Variants in AP1M2 observed in about 807,000 individuals in gnomAD.
AP1M2 encodes the protein adaptor related protein complex 1 subunit mu 2, also known as AP-1 complex subunit mu-2.
In AP1M2, 41 loss-of-function variants were observed where a neutral mutation model predicts 54.6. The observed-to-expected ratio is 0.75, with a 90% confidence interval of 0.59 to 0.97. The LOEUF (loss-of-function observed/expected upper bound fraction) is 0.97. AP1M2 is among the 50% of genes least tolerant of loss of function. The probability of loss-of-function intolerance (pLI) is 0.00; values close to 1 mark genes in which losing one functional copy is unlikely to be tolerated. For synonymous variants in AP1M2, 219 were observed against 215.9 expected (o/e 1.01, Z -0.13); for missense variants, 507 against 561.2 (o/e 0.90, Z 0.98).
Position 10,581,529 on chromosome 19 carries a change from C to T in AP1M2, c.504G>A (p.Lys168=), listed in dbSNP as rs747452988. The change falls in exon 5 of 12, where the codon AAG becomes AAA. Residue 168 remains lysine (K), a synonymous_variant. Transcript: ENST00000250244. The stretch of plus-strand genomic sequence containing the variant: ...CTATGACATCAATGAAGACCTCGTT[C>T]TTCTTATACTTGATACCCTCGGAGC... ...SWRSEGIKYK[K]NEVFIDVIES... The T allele has an allele frequency of 1.2e-5, 19 of 1,613,778 alleles. No individual in the cohort carries two copies. In the East Asian group the frequency reaches 4.0e-4, roughly 34 times the overall value.
intron 8 of AP1M2, 65 bp from the exon 9 acceptor site, chr19:10,577,421 C>G (rs1254888462): frequency 1.7e-6 from 1 of 575,730 alleles, no homozygotes. Context: ...ATTTACCAAG[C>G]CCTTTTTTTT....
intron 6 of AP1M2, among the ~76,000 whole-genome samples, chr19:10,580,859 G>A (rs895608692): frequency 6.6e-6 from 1 of 151,976 alleles, no homozygotes; most frequent in Admixed American, 6.6e-5. Flanking sequence ...AGAGGCTGAG[G>A]TGGGAGGATC....
intron 6 of AP1M2, among the ~76,000 whole-genome samples, chr19:10,580,404 G>A (rs751751962): frequency 2.6e-5 from 4 of 151,702 alleles, no homozygotes; most frequent in African/African-American, 7.3e-5. Flanking sequence ...GCTCACGCCT[G>A]TAATCCCCGA....
rs2144762602 is a variant in AP1M2, at chr19:10,580,064, T to C, written c.674-206A>G. ...GCTTGGTTTTTTTTTTTTTTTTTTT[T>C]TTTTTGAGACAGAGTTTCACTCTTG... On this transcript the variant is annotated intron_variant, in intron 6 of 11. Coordinates refer to ENST00000250244, the MANE Select transcript of AP1M2 (RefSeq NM_005498.5). Among the ~76,000 whole-genome samples the C allele has an allele frequency of 1.3e-5, 2 of 148,594 alleles. 1 individual carries two copies. Among genetic ancestry groups the C allele is most frequent in the African/African-American group, 5.0e-5 (2 of 40,290 alleles).
At chr19:10,586,155 C>T (rs1221527377) in intron 1 of AP1M2, among the ~76,000 whole-genome samples, 3 of 151,418 alleles carry the variant, frequency 2.0e-5, no homozygotes, top group African/African-American at 7.3e-5. Flanking sequence ...TGATGGTGCG[C>T]GCCTGTAATC....
chr19:10,577,431 T>G, intron 8 of AP1M2, 75 bp from the exon 9 acceptor site: 7 of 938,834 alleles, frequency 7.5e-6, no homozygotes. Flanking sequence ...CCCTTTTTTT[T>G]TTTTTTTTTT....
intron 6 of AP1M2, among the ~76,000 whole-genome samples, chr19:10,580,121 G>C (rs994039955): frequency 2.1e-5 from 3 of 141,438 alleles, no homozygotes; most frequent in Middle Eastern, 3.6e-3. Flanking sequence ...GGCACGTCTT[G>C]GCTCACCGCA....
At chr19:10,577,571 C>A (rs1917284670) in intron 8 of AP1M2, among the ~76,000 whole-genome samples, 1 of 149,578 alleles carries the variant, frequency 6.7e-6, no homozygotes, top group Non-Finnish European at 1.5e-5. Context: ...GCAGCTGGGA[C>A]TACAGGCACC....
intron 1 of AP1M2, among the ~76,000 whole-genome samples, chr19:10,585,331 GAAAGAA>G (rs1172022856): frequency 6.6e-5 from 10 of 151,020 alleles, no homozygotes; most frequent in African/African-American, 2.0e-4. Context: ...AAGAAAGAAA[GAAAGAA>G]AGAAAGAAAG....
chr19:10,581,114 A>C (rs1191343474), intron 6 of AP1M2, among the ~76,000 whole-genome samples, 152 bp downstream of exon 6: 2 of 152,230 alleles, frequency 1.3e-5, no homozygotes, highest in Non-Finnish European at 2.9e-5. Flanking sequence ...CAGCCTTTGC[A>C]GTCAGCCAAT....
chr19:10,577,652 TTCTCG>T (rs1917288054), intron 8 of AP1M2, among the ~76,000 whole-genome samples: 1 of 151,090 alleles, frequency 6.6e-6, no homozygotes, highest in South Asian at 2.1e-4. Context: ...AGCCAGGATG[TTCTCG>T]ATCTCCTGAC....
Position 10,577,352 on chromosome 19 carries a change from T to C in AP1M2, c.893A>G (p.Lys298Arg). Residue 298 changes from lysine to arginine, a missense_variant, in exon 9 of 12, where the codon AAG (lysine) becomes AGG (arginine). Transcript: ENST00000250244. ...CACTGACTGTTTCTTAAACTGCCCC[T>C]TGGCCTGTCAGGGGAGCGAGCATGG... Reference protein sequence around the residue: ...HSRVEIMVKAKGQFKKQSVAN... With the variant: ...HSRVEIMVKARGQFKKQSVAN... 6.3e-7 allele frequency: 1 copy of C among 1,599,550 alleles called. No individual in the cohort carries two copies. Among genetic ancestry groups the C allele is most frequent in the Non-Finnish European group, 8.5e-7 (1 of 1,171,596 alleles).
chr19:10,578,580 TG>T (rs1203789798), intron 8 of AP1M2, among the ~76,000 whole-genome samples: 6 of 151,764 alleles, frequency 4.0e-5, no homozygotes, highest in Non-Finnish European at 8.8e-5. Context: ...TTTTTCTTTT[TG>T]GAGATGGGGT....
rs550003725 is a variant in AP1M2, at chr19:10,578,815, G to A, written c.888+77C>T. 9 of 1,199,260 alleles carry A rather than the reference G, an allele frequency of 7.5e-6. No individual in the cohort carries two copies. The South Asian group carries it at 7.8e-5, about 10-fold the overall frequency. The allele number at this position is 1,199,260 out of a possible 1,614,324, so 74.3% of individuals were successfully genotyped here. A position where few individuals can be genotyped will look rare whatever the true frequency, so the allele number is the denominator to read the frequency against. On this transcript the variant is annotated intron_variant, in intron 8 of 11. Coordinates refer to ENST00000250244, the MANE Select transcript of AP1M2 (RefSeq NM_005498.5). ...GATCTAACCACCCCGGCCTCCCAAA[G>A]TGCTGGGATTACAGGTGTGAGCCAC...
At position 10,581,879 on chromosome 19, in the gene AP1M2, C is replaced by A; in HGVS notation, c.268-1G>T. ...GCTCCTTGAAGTATTCGCAGAATACCTGGGGGTTGGAGGAGAGAGAGACCC... is the reference window on the plus strand; with the variant it reads ...GCTCCTTGAAGTATTCGCAGAATACATGGGGGTTGGAGGAGAGAGAGACCC... On this transcript the variant is annotated splice_acceptor_variant, in intron 3 of 11. Transcript: ENST00000250244. LOFTEE classifies it high-confidence loss of function. The A allele has an allele frequency of 6.2e-7, 1 of 1,604,868 alleles. No homozygotes were observed. Among genetic ancestry groups the A allele is most frequent in the Non-Finnish European group, 8.5e-7 (1 of 1,175,644 alleles).
At chr19:10,577,583 G>T (rs1256975643) in intron 8 of AP1M2, among the ~76,000 whole-genome samples, 1 of 151,114 alleles carries the variant, frequency 6.6e-6, no homozygotes, top group Non-Finnish European at 1.5e-5. Context: ...ACAGGCACCC[G>T]CCAGCACGCC....
In AP1M2 at chr19:10,577,296, G is replaced by T; in HGVS notation, c.949C>A (p.Pro317Thr). 6.2e-7 allele frequency: 1 copy of T among 1,612,124 alleles called. No homozygotes were observed. Among genetic ancestry groups the T allele is most frequent in the Non-Finnish European group, 8.5e-7 (1 of 1,179,208 alleles). ...AATCTGGGGGAGTCGGCATCGCTGGGTACAGGCACAGATATCTCCACACCG... is the reference window on the plus strand; with the variant it reads ...AATCTGGGGGAGTCGGCATCGCTGGTTACAGGCACAGATATCTCCACACCG... Reference protein sequence around the residue: ...ANGVEISVPVPSDADSPRFKT... With the variant: ...ANGVEISVPVTSDADSPRFKT... The change falls in exon 9 of 12, where the codon CCC (proline) becomes ACC (threonine). Residue 317 changes from proline to threonine, a missense_variant. Coordinates refer to ENST00000250244, the MANE Select transcript of AP1M2 (RefSeq NM_005498.5).
At chr19:10,577,420 G>GC in intron 8 of AP1M2, 64 bp from the exon 9 acceptor site, 1 of 287,080 alleles carries the variant, frequency 3.5e-6, no homozygotes, top group Non-Finnish European at 5.9e-6. Flanking sequence ...TATTTACCAA[G>GC]CCCTTTTTTT....
In AP1M2 at chr19:10,583,973, GC is replaced by G; in HGVS notation, c.139del (p.Ala47ProfsTer4). The G allele has an allele frequency of 6.2e-7, 1 of 1,604,694 alleles. No individual in the cohort carries two copies. The highest frequency in any genetic ancestry group is 1.1e-5 in the South Asian group (1 of 89,354). On this transcript the variant is annotated frameshift_variant, in exon 2 of 12. Coordinates refer to ENST00000250244, the MANE Select transcript of AP1M2 (RefSeq NM_005498.5). LOFTEE classifies it high-confidence loss of function. ...GACCTGGCCGTGGCTCAGCAGCGGG[GC>G]CAGGGCGCCTTCCTCCTCCCGCTGT... ...LVQREEEGAL[A>X]PLLSHGQVHF...
Sources: allele counts gnomAD v4.1 joint callset (sites outside exome capture counted in the v4.1 genomes callset), GRCh38; gene constraint gnomAD v4.1.1; transcripts MANE v1.5; gene names NCBI Gene and HGNC (gene_info 2026-07-23, HGNC 2026-07-21).